The following TRPM3 variants were observed in gnomAD, a reference collection of about 807,000 sequenced individuals.
TRPM3 encodes the protein transient receptor potential cation channel subfamily M member 3.
A neutral mutation model predicts 181.2 loss-of-function variants in TRPM3; 77 were observed. The observed-to-expected ratio is 0.42, with a 90% CI of 0.35 to 0.51. TRPM3 has a LOEUF of 0.51. Among genes scored for constraint, TRPM3 ranks in the 20% least tolerant of loss-of-function variants. The pLI, the probability that TRPM3 is intolerant of heterozygous loss-of-function variation, is 0.01. For missense variants in TRPM3, 1,759 were observed against 2,196.7 expected (o/e 0.80, Z 3.98); for synonymous variants, 745 against 796.4 (o/e 0.94, Z 1.09).
In TRPM3 at chr9:70,701,720, T is replaced by C. The variant is rs2072636955; in HGVS notation, c.1273-20142A>G. The stretch of plus-strand genomic sequence containing the variant: ...TAATCTCTACTAGGAAGTTAAGAAT[T>C]GAACATATCTAGATTCTTAAGGAGA... On this transcript the variant is annotated intron_variant, in intron 8 of 25. Transcript: ENST00000677713. 2.0e-5 allele frequency among the ~76,000 whole-genome samples: 3 copies of C among 152,200 alleles called. 1 individual carries two copies. The South Asian group carries it at 6.2e-4, about 32-fold the overall frequency.
chr9:71,225,461 G>C (rs1453739435), intron 1 of TRPM3, among the ~76,000 whole-genome samples: 1 of 152,092 alleles, frequency 6.6e-6, no homozygotes, highest in Admixed American at 6.5e-5. Flanking sequence ...AACCAGAGCT[G>C]TCCTACAAGA....
chr9:71,434,218 C>T (rs959479935), intron 1 of TRPM3, among the ~76,000 whole-genome samples: 4 of 152,036 alleles, frequency 2.6e-5, no homozygotes, highest in South Asian at 2.1e-4. Context: ...TGTGTCCCCC[C>T]CAAAATTCAT....
chr9:71,421,233 G>T (rs74591633), intron 1 of TRPM3, among the ~76,000 whole-genome samples: 1 of 151,716 alleles, frequency 6.6e-6, no homozygotes, highest in Admixed American at 6.6e-5. Flanking sequence ...AAGGAAGGGG[G>T]TGTGGGTTTA....
chr9:70,986,520 C>G (rs905281803), intron 1 of TRPM3, among the ~76,000 whole-genome samples: 2 of 152,128 alleles, frequency 1.3e-5, no homozygotes, highest in Non-Finnish European at 2.9e-5. Flanking sequence ...CTTGAATCAT[C>G]TAAGTCAAGC....
chr9:70,882,276 C>A (rs1350681977), intron 1 of TRPM3, among the ~76,000 whole-genome samples: 1 of 152,140 alleles, frequency 6.6e-6, no homozygotes. Context: ...CCTTCTGAGA[C>A]TCCTAGGTCT....
intron 1 of TRPM3, among the ~76,000 whole-genome samples, chr9:71,414,847 T>C (rs71505940): frequency 1.2e-4 from 18 of 152,050 alleles, no homozygotes; most frequent in Non-Finnish European, 2.5e-4. Context: ...CATATGTGCT[T>C]TGAGGTGACA....
chr9:70,589,519 C>T (rs1353703479), intron 22 of TRPM3, among the ~76,000 whole-genome samples: 2 of 152,152 alleles, frequency 1.3e-5, no homozygotes, highest in Non-Finnish European at 2.9e-5. Context: ...CATTTAATCT[C>T]TGAGGAAAAT....
At chr9:71,303,377 A>G (rs1454075363) in intron 1 of TRPM3, among the ~76,000 whole-genome samples, 1 of 152,268 alleles carries the variant, frequency 6.6e-6, no homozygotes, top group Non-Finnish European at 1.5e-5. Context: ...ATTCTGCAGT[A>G]GACATTTTAA....
At chr9:71,008,984 T>C (rs967712583) in intron 1 of TRPM3, among the ~76,000 whole-genome samples, 4 of 152,234 alleles carry the variant, frequency 2.6e-5, no homozygotes, top group Non-Finnish European at 4.4e-5. Context: ...ATTATTTCAA[T>C]AGAATTGTTT....
rs578201917 is a variant in TRPM3 at position 71,412,434 on chromosome 9, G to T, written c.183+34219C>A. Among the ~76,000 whole-genome samples, 148 of 152,232 alleles carry T rather than the reference G, an allele frequency of 9.7e-4. 2 individuals carry two copies. Among genetic ancestry groups the T allele is most frequent in the South Asian group, 6.0e-3 (29 of 4,814 alleles). On this transcript the variant is annotated intron_variant, in intron 1 of 24. Coordinates refer to the TRPM3 transcript ENST00000357533. ...AATCAAACAACCTCATCAAGAAGTG[G>T]GCAAAGGATATGAACACACACTTCT...
At chr9:71,428,728 T>C (rs1208981408) in intron 1 of TRPM3, among the ~76,000 whole-genome samples, 2 of 152,130 alleles carry the variant, frequency 1.3e-5, no homozygotes, top group Non-Finnish European at 1.5e-5. Flanking sequence ...ATGAAAAACA[T>C]ATAACACACA....
chr9:70,577,698 T>G (rs2054403329), intron 22 of TRPM3, among the ~76,000 whole-genome samples: 3 of 152,232 alleles, frequency 2.0e-5, no homozygotes, highest in African/African-American at 7.2e-5. Flanking sequence ...TTTTCAGCAG[T>G]TGGCTATCTT....
intron 9 of TRPM3, among the ~76,000 whole-genome samples, chr9:70,671,524 A>G (rs956570665): frequency 1.6e-5 from 2 of 124,024 alleles, no homozygotes; most frequent in African/African-American, 3.3e-5. Flanking sequence ...TAAAAAAGGT[A>G]ACAGTGATTA....
At chr9:71,152,255 G>T (rs970979871) in intron 1 of TRPM3, among the ~76,000 whole-genome samples, 95 of 152,220 alleles carry the variant, frequency 6.2e-4, no homozygotes, top group African/African-American at 2.2e-3. Flanking sequence ...CAAGGCCACT[G>T]TTAAAAACCA....
At chr9:70,740,773 GA>G (rs1419738582) in intron 8 of TRPM3, among the ~76,000 whole-genome samples, 6 of 152,196 alleles carry the variant, frequency 3.9e-5, no homozygotes. Context: ...GTAGAAGAAT[GA>G]AACTGGATTC....
At position 71,319,806 on chromosome 9, in the gene TRPM3, A is replaced by G. The variant is rs138747353; in HGVS notation, c.183+126847T>C. 8.5e-3 allele frequency among the ~76,000 whole-genome samples: 1,287 copies of G among 152,238 alleles called. 8 individuals are homozygous for G. The highest frequency in any genetic ancestry group is 0.014 in the Non-Finnish European group (920 of 67,994). ...AATGATCCTCAGGGTCAGCTAGGCT[A>G]TGGCCATTACTACATGAAATGGGAA... On this transcript the variant is annotated intron_variant, in intron 1 of 24. Coordinates refer to the TRPM3 transcript ENST00000357533.
chr9:71,246,192 C>T (rs913016455), intron 1 of TRPM3, among the ~76,000 whole-genome samples: 2 of 152,226 alleles, frequency 1.3e-5, no homozygotes, highest in Admixed American at 6.5e-5. Flanking sequence ...AAATATTAGT[C>T]CTAACAAGAT....
At chr9:70,697,100 C>T (rs2070769303) in intron 8 of TRPM3, among the ~76,000 whole-genome samples, 1 of 152,072 alleles carries the variant, frequency 6.6e-6, no homozygotes, top group South Asian at 2.1e-4. Context: ...AATGGAAATA[C>T]AAAGGGAAAC....
At chr9:70,948,876 C>T (rs2133662519) in intron 1 of TRPM3, among the ~76,000 whole-genome samples, 1 of 152,188 alleles carries the variant, frequency 6.6e-6, no homozygotes, top group Admixed American at 6.6e-5. Context: ...CAGGAAGATG[C>T]TAAGTTTTTC....
Sources: allele counts gnomAD v4.1 joint callset (sites outside exome capture counted in the v4.1 genomes callset), GRCh38; gene constraint gnomAD v4.1.1; transcripts MANE v1.5; gene names NCBI Gene and HGNC (gene_info 2026-07-23, HGNC 2026-07-21).